The following KIF26A variants were observed in gnomAD, a reference collection of about 807,000 sequenced individuals.
KIF26A encodes the protein kinesin family member 26A, also known as kinesin-like protein KIF26A.
In KIF26A, 74 loss-of-function variants were observed where a neutral mutation model predicts 126.0. The ratio of observed to expected loss-of-function variants is 0.59; its 90% CI spans 0.49 to 0.71. The LOEUF is 0.71. KIF26A is among the 30% of genes least tolerant of loss of function. The probability of loss-of-function intolerance (pLI) is 0.00; values close to 1 mark genes in which losing one functional copy is unlikely to be tolerated. For synonymous variants in KIF26A, 1,445 were observed against 1,232.7 expected, an observed-to-expected ratio of 1.17 and a Z score of -3.61; for missense variants, 2,984 against 2,763.3, an observed-to-expected ratio of 1.08 and a Z score of -1.79.
rs980247096 is a variant in KIF26A at position 104,152,854 on chromosome 14, C to G, written c.735+393C>G. ...GCAGAGCGAGGGCCTGTGTGGAGGC[C>G]TGGGGGTGTGAGGCGTCCATGGACG... is the stretch of plus-strand genomic sequence containing the variant. On this transcript the variant is annotated intron_variant, in intron 3 of 14. Coordinates refer to ENST00000423312, the MANE Select transcript of KIF26A (RefSeq NM_015656.2). This position sits in a 1 kb window ranked among gnomAD's most constrained non-coding sequence, Gnocchi z 5.9. 3.9e-5 allele frequency among the ~76,000 whole-genome samples: 6 copies of G among 152,032 alleles called. No individual in the cohort carries two copies. Among genetic ancestry groups the G allele is most frequent in the Admixed American group, 6.5e-5 (1 of 15,272 alleles).
intron 5 of KIF26A, among the ~76,000 whole-genome samples, chr14:104,170,293 C>A (rs542881370): frequency 6.6e-6 from 1 of 152,168 alleles, no homozygotes; most frequent in African/African-American, 2.4e-5. Flanking sequence ...TTGATCACGT[C>A]GTCGGGGGAA....
Position 104,152,957 on chromosome 14 carries a change from G to A in KIF26A, c.735+496G>A, listed in dbSNP as rs530294747. ...TGGCACCCTGGGGGCAGAGGGACAT[G>A]TGGGTGGCTGTGAAGAGCCGTGTTT... is the stretch of plus-strand genomic sequence containing the variant. On this transcript the variant is annotated intron_variant, in intron 3 of 14. Coordinates refer to ENST00000423312, the MANE Select transcript of KIF26A (RefSeq NM_015656.2). The surrounding 1 kb of genome is among the most constrained non-coding windows in gnomAD (Gnocchi z 5.9). Among the ~76,000 whole-genome samples the A allele has an allele frequency of 1.3e-5, 2 of 152,280 alleles. No homozygotes were observed. Among genetic ancestry groups the A allele is most frequent in the South Asian group, 2.1e-4 (1 of 4,828 alleles).
chr14:104,158,864 G>A (rs185165329), intron 4 of KIF26A, among the ~76,000 whole-genome samples: 10 of 152,332 alleles, frequency 6.6e-5, no homozygotes, highest in African/African-American at 1.2e-4. Context: ...GTAAGGATGC[G>A]GATTACAGGA....
intron 5 of KIF26A, among the ~76,000 whole-genome samples, chr14:104,169,756 G>T (rs1049701756): frequency 4.6e-5 from 7 of 152,194 alleles, no homozygotes; most frequent in Non-Finnish European, 1.0e-4. Context: ...CTCCCTGCCT[G>T]GGCTACCTCT....
chr14:104,138,658 C>A lies in KIF26A; in HGVS notation c.-65C>A. The A allele has an allele frequency of 8.3e-7, 1 of 1,210,670 alleles. No individual in the cohort carries two copies. Among genetic ancestry groups the A allele is most frequent in the South Asian group, 2.7e-5 (1 of 37,478 alleles). The allele number at this position is 1,210,670 out of a possible 1,614,324, so 75.0% of individuals were successfully genotyped here. ...GGCGCCTCGGGGCCGGATCACGTAG[C>A]CGCGGCGCCCCCGGAGAGCCAGCGT... On this transcript the variant is annotated 5_prime_UTR_variant, in exon 1 of 15. Coordinates refer to ENST00000423312, the MANE Select transcript of KIF26A (RefSeq NM_015656.2).
In KIF26A at chr14:104,139,087, G is replaced by T. The variant is rs1320126436; in HGVS notation, c.87G>T (p.Glu29Asp). The change falls in exon 2 of 15, where the codon GAG (glutamate) becomes GAT (aspartate). Residue 29 changes from glutamate (E) to aspartate (D), a missense_variant. By Grantham distance (45) the Glu-to-Asp change is conservative. Coordinates refer to ENST00000423312, the MANE Select transcript of KIF26A (RefSeq NM_015656.2). ...GPAREPPPLL[E>D]VSPRKRLPAG... ...CCCGCGAGCCGCCGCCGCTGCTGGA[G>T]GTGTCCCCCCGAAAGAGGCTACCCG... 1 of 1,447,736 alleles carries T rather than the reference G, an allele frequency of 6.9e-7. No homozygotes were observed. The highest frequency in any genetic ancestry group is 3.0e-5 in the Admixed American group (1 of 33,852). 89.7% of individuals were successfully genotyped at this position (1,447,736 alleles called of 1,614,324 possible).
intron 4 of KIF26A, among the ~76,000 whole-genome samples, chr14:104,165,307 CTGTG>C (rs775713938): frequency 1.4e-5 from 2 of 143,154 alleles, no homozygotes; most frequent in Non-Finnish European, 3.0e-5. Flanking sequence ...GCATGTGTGT[CTGTG>C]TGTCTCTATG....
chr14:104,157,240 G>A (rs2037788058), intron 3 of KIF26A, among the ~76,000 whole-genome samples: 1 of 152,202 alleles, frequency 6.6e-6, no homozygotes. Flanking sequence ...GGAAATGCCA[G>A]GGTAGTATTT....
intron 2 of KIF26A, among the ~76,000 whole-genome samples, chr14:104,145,215 A>G (rs1240029364): frequency 2.6e-5 from 4 of 152,206 alleles, no homozygotes; most frequent in Admixed American, 2.6e-4. Flanking sequence ...TCCGGCGCTC[A>G]GGGTCACTTT....
At chr14:104,170,264 G>A (rs573964687) in intron 5 of KIF26A, among the ~76,000 whole-genome samples, 151 of 152,212 alleles carry the variant, frequency 9.9e-4, no homozygotes, top group Admixed American at 1.9e-3. Flanking sequence ...TTGTGGTGGC[G>A]TCTGGAAATG....
At position 104,151,144 on chromosome 14, in the gene KIF26A, CCTT is replaced by C. The variant is rs1343839402; in HGVS notation, c.289-867_289-865del. ...GTGAGCTTTGCTCTGTGGCTTGTCT[CCTT>C]CTTGCTCCTCCTCCTCTTCCTGGAA... On this transcript the variant is annotated intron_variant, in intron 2 of 14. Coordinates refer to ENST00000423312, the MANE Select transcript of KIF26A (RefSeq NM_015656.2). The surrounding 1 kb of genome is among the most constrained non-coding windows in gnomAD (Gnocchi z 4.9). Among the ~76,000 whole-genome samples, 5 of 152,176 alleles carry C rather than the reference CCTT, an allele frequency of 3.3e-5. No homozygotes were observed. The highest frequency in any genetic ancestry group is 1.2e-4 in the African/African-American group (5 of 41,434).
rs373172762 is a variant in KIF26A at position 104,151,246 on chromosome 14, G to C, written c.289-769G>C. Among the ~76,000 whole-genome samples the C allele has an allele frequency of 2.0e-5, 3 of 152,288 alleles. No individual in the cohort carries two copies. The highest frequency in any genetic ancestry group is 7.2e-5 in the African/African-American group (3 of 41,566). On this transcript the variant is annotated intron_variant, in intron 2 of 14. Coordinates refer to ENST00000423312, the MANE Select transcript of KIF26A (RefSeq NM_015656.2). This position sits in a 1 kb window ranked among gnomAD's most constrained non-coding sequence, Gnocchi z 4.9. ...GCGCATCCTCCTCTGGGTTCTTCTGGCTCTTGTTTTTAGCCGTTTCTAGAA... is the reference window on the plus strand; with the variant it reads ...GCGCATCCTCCTCTGGGTTCTTCTGCCTCTTGTTTTTAGCCGTTTCTAGAA...
intron 2 of KIF26A, among the ~76,000 whole-genome samples, chr14:104,142,629 G>C (rs1230159717): frequency 6.6e-6 from 1 of 152,140 alleles, no homozygotes; most frequent in Non-Finnish European, 1.5e-5. Context: ...TTGCAGCCTG[G>C]TGCCTCCCAT....
At position 104,176,491 on chromosome 14, in the gene KIF26A, C is replaced by T. The variant is rs200984423; in HGVS notation, c.3703C>T (p.Arg1235Cys). 8.1e-6 allele frequency: 13 copies of T among 1,605,992 alleles called. No individual in the cohort carries two copies. Among genetic ancestry groups the T allele is most frequent in the South Asian group, 3.3e-5 (3 of 91,060 alleles). ...TCGCCTGGGCCAGAGCCCACCTGGC[C>T]GTGGAGGCCTGTTTGAGGACCCATG... Reference protein sequence around the residue: ...CARLGQSPPGRGGLFEDPWLL... With the variant: ...CARLGQSPPGCGGLFEDPWLL... Residue 1235 changes from arginine to cysteine, a missense_variant, in exon 12 of 15, where the codon CGT (arginine) becomes TGT (cysteine). Arg to Cys is a radical substitution (Grantham distance 180, BLOSUM62 -3). Transcript: ENST00000423312.
Position 104,167,049 on chromosome 14 carries a change from G to A in KIF26A, c.1113+1G>A. 2 of 1,542,494 alleles carry A rather than the reference G, an allele frequency of 1.3e-6. No homozygotes were observed. The highest frequency in any genetic ancestry group is 1.8e-6 in the Non-Finnish European group (2 of 1,142,716). On this transcript the variant is annotated splice_donor_variant, in intron 5 of 14. Transcript: ENST00000423312. LOFTEE classifies it high-confidence loss of function. ...GGACAACCCTGGCAGCATCGGGAAG[G>A]TAGACGCAGCCCCGAGTTCGGGGCC... is the stretch of plus-strand genomic sequence containing the variant.
chr14:104,172,014 C>G, intron 6 of KIF26A, 79 bp downstream of exon 6: 1 of 1,346,236 alleles, frequency 7.4e-7, no homozygotes, highest in Non-Finnish European at 1.0e-6. Flanking sequence ...CGATCTGCGC[C>G]CGCTTCTCCG....
chr14:104,159,305 C>T lies in KIF26A; in HGVS notation c.923+1363C>T, dbSNP rs574094738. 3.7e-3 allele frequency among the ~76,000 whole-genome samples: 566 copies of T among 152,360 alleles called. 1 individual carries two copies. The highest frequency in any genetic ancestry group is 0.013 in the African/African-American group (531 of 41,588). On this transcript the variant is annotated intron_variant, in intron 4 of 14. Coordinates refer to ENST00000423312, the MANE Select transcript of KIF26A (RefSeq NM_015656.2). ...CTAGTCCTGAATTAAAGGGCCTGTG[C>T]GGCTGTTCTGGGCACAGCCCTGTGG...
chr14:104,172,822 C>G (rs2037973199), intron 7 of KIF26A, among the ~76,000 whole-genome samples, 154 bp downstream of exon 7: 1 of 152,128 alleles, frequency 6.6e-6, no homozygotes, highest in South Asian at 2.1e-4. Context: ...GGAGAGGAAG[C>G]TGAACCCCTG....
At chr14:104,178,869 C>A in intron 13 of KIF26A, 114 bp downstream of exon 13, 2 of 646,612 alleles carry the variant, frequency 3.1e-6, no homozygotes, top group Non-Finnish European at 5.2e-6. Flanking sequence ...CTGGGCAGCC[C>A]CTGACCTCAC....
Sources: gnomAD v4.1 joint callset for allele counts (sites outside exome capture counted in the v4.1 genomes callset) on GRCh38, gnomAD v4.1.1 for gene constraint, Gnocchi (gnomAD v3.1) non-coding constraint, MANE v1.5 for transcripts, NCBI Gene and HGNC (gene_info 2026-07-23, HGNC 2026-07-21) for gene names.